LPP: variants seen among roughly 807,000 people sequenced by gnomAD.
LPP encodes lipoma-preferred partner.
LPP carries 38 observed loss-of-function variants against 60.4 expected under a neutral mutation model. That is an observed-to-expected ratio of 0.63 (90% confidence interval 0.49 to 0.83). The LOEUF is 0.83. LPP is among the 40% of genes least tolerant of loss of function. The pLI is 0.00. For missense variants in LPP, 902 were observed against 783.6 expected (o/e 1.15, Z -1.80); for synonymous variants, 328 against 290.8 (o/e 1.13, Z -1.30).
intron 1 of LPP, among the ~76,000 whole-genome samples, chr3:188,184,895 A>C: frequency 6.6e-6 from 1 of 151,994 alleles, no homozygotes; most frequent in East Asian, 1.9e-4. Context: ...GTGCAGTGTC[A>C]GCACCTAGGT....
At chr3:188,810,488 G>A (rs1335035735) in intron 9 of LPP, among the ~76,000 whole-genome samples, 1 of 149,372 alleles carries the variant, frequency 6.7e-6, no homozygotes, top group East Asian at 1.9e-4. Context: ...AGAGAGAGAG[G>A]GAGACCACAT....
At chr3:188,237,422 T>G (rs924039411) in intron 2 of LPP, among the ~76,000 whole-genome samples, 1 of 152,238 alleles carries the variant, frequency 6.6e-6, no homozygotes, top group Non-Finnish European at 1.5e-5. Context: ...GAATCCTTTT[T>G]AGAAAGTTTT....
intron 7 of LPP, among the ~76,000 whole-genome samples, chr3:188,684,404 A>G (rs988200916): frequency 2.6e-5 from 4 of 152,198 alleles, no homozygotes; most frequent in Non-Finnish European, 4.4e-5. Context: ...TGAAACACCT[A>G]TGTTCACCTT....
At chr3:188,837,233 G>A (rs1758674112) in intron 9 of LPP, among the ~76,000 whole-genome samples, 1 of 151,796 alleles carries the variant, frequency 6.6e-6, no homozygotes, top group Non-Finnish European at 1.5e-5. Flanking sequence ...ACAAAAATTA[G>A]CCAGGTGTGG....
intron 6 of LPP, among the ~76,000 whole-genome samples, chr3:188,604,189 G>T (rs778963764): frequency 3.3e-5 from 5 of 152,008 alleles, no homozygotes; most frequent in Non-Finnish European, 7.4e-5. Flanking sequence ...AGTGAATCTA[G>T]TAAGCAGCTC....
intron 7 of LPP, among the ~76,000 whole-genome samples, chr3:188,631,097 T>C (rs563350415): frequency 3.6e-4 from 55 of 152,126 alleles, no homozygotes; most frequent in South Asian, 1.7e-3. Flanking sequence ...GGTGATGAAA[T>C]AGTTTGTACA....
intron 1 of LPP, among the ~76,000 whole-genome samples, chr3:188,162,877 C>T (rs1186445006): frequency 6.6e-6 from 1 of 152,118 alleles, no homozygotes; most frequent in African/African-American, 2.4e-5. Context: ...AGTTCAAGTC[C>T]TCGTTGTGCT....
At chr3:188,385,811 G>A (rs1471370619) in intron 3 of LPP, among the ~76,000 whole-genome samples, 2 of 152,164 alleles carry the variant, frequency 1.3e-5, no homozygotes, top group East Asian at 1.9e-4. Flanking sequence ...ACACTAGGTA[G>A]GCTGGGTCCT....
chr3:188,724,810 A>G (rs984093935), intron 8 of LPP, among the ~76,000 whole-genome samples: 1 of 152,198 alleles, frequency 6.6e-6, no homozygotes, highest in Admixed American at 6.5e-5. Flanking sequence ...TGCCTATGGC[A>G]TCTTCTAGTC....
At chr3:188,666,930 G>A (rs144479968) in intron 7 of LPP, among the ~76,000 whole-genome samples, 1 of 152,246 alleles carries the variant, frequency 6.6e-6, no homozygotes, top group African/African-American at 2.4e-5. Context: ...ACTATATAGT[G>A]GATATATAAT....
At chr3:188,657,721 C>A (rs1010699603) in intron 7 of LPP, among the ~76,000 whole-genome samples, 4 of 152,054 alleles carry the variant, frequency 2.6e-5, no homozygotes, top group Non-Finnish European at 4.4e-5. Context: ...TAACCCGTTA[C>A]ATTCATCCCT....
intron 1 of LPP, among the ~76,000 whole-genome samples, chr3:188,208,771 C>T (rs1369923403): frequency 1.3e-5 from 2 of 152,208 alleles, no homozygotes; most frequent in Admixed American, 1.3e-4. Flanking sequence ...ACAGCTGCTG[C>T]TGAGCTTTGA....
intron 3 of LPP, among the ~76,000 whole-genome samples, chr3:188,374,761 G>A (rs948915820): frequency 6.6e-6 from 1 of 152,158 alleles, no homozygotes; most frequent in African/African-American, 2.4e-5. Flanking sequence ...GGAGTGGGGA[G>A]AGAGGGCATC....
intron 1 of LPP, among the ~76,000 whole-genome samples, chr3:188,169,842 T>C (rs1048990211): frequency 6.6e-6 from 1 of 152,186 alleles, no homozygotes; most frequent in African/African-American, 2.4e-5. Context: ...GTAACTATGA[T>C]ACAGGGTCAG....
At chr3:188,354,850 G>C (rs577764316) in intron 3 of LPP, among the ~76,000 whole-genome samples, 25 of 40,124 alleles carry the variant, frequency 6.2e-4, no homozygotes, top group South Asian at 2.9e-3. Flanking sequence ...CACACACACA[G>C]GGAGGACAAA....
chr3:188,323,651 TG>T (rs1276204890), intron 2 of LPP, among the ~76,000 whole-genome samples: 1 of 152,244 alleles, frequency 6.6e-6, no homozygotes, highest in African/African-American at 2.4e-5. Context: ...AAGTCATGGT[TG>T]TTCTATGCAC....
At chr3:188,830,008 TA>T (rs11360601) in intron 9 of LPP, among the ~76,000 whole-genome samples, 84,541 of 143,958 alleles carry the variant, frequency 0.59, 24,579 homozygotes, top group East Asian at 0.84. Context: ...CCCATCTCAT[TA>T]AAAAAAAAAA....
intron 7 of LPP, among the ~76,000 whole-genome samples, chr3:188,641,253 C>A (rs1387574471): frequency 1.3e-5 from 2 of 152,144 alleles, no homozygotes; most frequent in Non-Finnish European, 2.9e-5. Context: ...TCAATTATCT[C>A]CAAAGTACAG....
chr3:188,727,615 G>A (rs1272951144), intron 8 of LPP, among the ~76,000 whole-genome samples: 1 of 152,102 alleles, frequency 6.6e-6, no homozygotes, highest in East Asian at 1.9e-4. Context: ...GAAAGACAGG[G>A]ACACTTATTC....
Sources: gnomAD v4.1 joint callset for allele counts (sites outside exome capture counted in the v4.1 genomes callset) on GRCh38, gnomAD v4.1.1 for gene constraint, MANE v1.5 for transcripts, NCBI Gene and HGNC (gene_info 2026-07-23, HGNC 2026-07-21) for gene names.